The following RALGPS2 variants were observed in gnomAD, a reference collection of about 807,000 sequenced individuals.
RALGPS2 encodes Ral GEF with PH domain and SH3 binding motif 2.
Under a neutral mutation model 86.8 loss-of-function variants are expected in RALGPS2, and 43 were observed. That is an observed-to-expected ratio of 0.50 (90% confidence interval 0.39 to 0.64). The LOEUF is 0.64. Among genes scored for constraint, RALGPS2 ranks in the 30% least tolerant of loss-of-function variants. RALGPS2 has a pLI of 0.00. For synonymous variants in RALGPS2, 243 were observed against 231.3 expected (o/e 1.05, Z -0.46); for missense variants, 536 against 694.6 (o/e 0.77, Z 2.57).
intron 8 of RALGPS2, among the ~76,000 whole-genome samples, chr1:178,856,198 GAGAGATATATATATATATAT>G (rs1377818331): frequency 3.0e-4 from 14 of 47,268 alleles, no homozygotes; most frequent in African/African-American, 8.1e-4. Context: ...TCCAGAGAGA[GAGAGATATATATATATATAT>G]ATATATATAT....
At chr1:178,899,007 A>G (rs1003185635) in intron 17 of RALGPS2, among the ~76,000 whole-genome samples, 1 of 152,018 alleles carries the variant, frequency 6.6e-6, no homozygotes, top group Non-Finnish European at 1.5e-5. Flanking sequence ...AACTTTTCAC[A>G]TAGCCACATT....
chr1:178,729,136 T>C (rs1650196234), intron 1 of RALGPS2, among the ~76,000 whole-genome samples: 1 of 152,232 alleles, frequency 6.6e-6, no homozygotes, highest in Non-Finnish European at 1.5e-5. Context: ...TTTTCTGTTA[T>C]TTCACTTACA....
At position 178,776,794 on chromosome 1, in the gene RALGPS2, T is replaced by C. The variant is rs199606780; in HGVS notation, c.30T>C (p.Ser10=). 1.2e-6 allele frequency: 2 copies of C among 1,613,058 alleles called. No individual in the cohort carries two copies. The highest frequency in any genetic ancestry group is 1.3e-5 in the African/African-American group (1 of 74,888). The change falls in exon 2 of 20, where the codon AGT becomes AGC. Residue 10 remains serine (S), a synonymous_variant. Transcript: ENST00000367635. MDLMNGQAS[S]VNIAATASEK... ...ACCTAATGAACGGGCAGGCAAGCAG[T>C]GTCAATATTGCAGCTACTGCTTCTG... is the stretch of plus-strand genomic sequence containing the variant.
intron 1 of RALGPS2, among the ~76,000 whole-genome samples, chr1:178,756,751 G>A (rs4652322): frequency 1 from 152,311 of 152,312 alleles, 76,155 homozygotes; most frequent in Non-Finnish European, 1. Context: ...TTTGAGCAGT[G>A]TGGCCATTTT....
At chr1:178,737,744 G>A (rs746481114) in intron 1 of RALGPS2, among the ~76,000 whole-genome samples, 1 of 151,890 alleles carries the variant, frequency 6.6e-6, no homozygotes, top group Non-Finnish European at 1.5e-5. Flanking sequence ...TTACCCAAAT[G>A]GTTAAACAAT....
At chr1:178,778,807 C>T (rs1653235643) in intron 2 of RALGPS2, among the ~76,000 whole-genome samples, 1 of 151,550 alleles carries the variant, frequency 6.6e-6, no homozygotes, top group African/African-American at 2.4e-5. Flanking sequence ...AAAAACCAAA[C>T]ACCGCATATT....
intron 16 of RALGPS2, among the ~76,000 whole-genome samples, chr1:178,895,948 A>G (rs1238839262): frequency 6.6e-6 from 1 of 152,036 alleles, no homozygotes; most frequent in Admixed American, 6.6e-5. Context: ...GAAATATGGA[A>G]CTGGATGATA....
chr1:178,749,316 G>T (rs1651519534), intron 1 of RALGPS2, among the ~76,000 whole-genome samples: 1 of 152,002 alleles, frequency 6.6e-6, no homozygotes, highest in Non-Finnish European at 1.5e-5. Context: ...ATGAATCCTT[G>T]TCTTTACTAA....
intron 14 of RALGPS2, among the ~76,000 whole-genome samples, chr1:178,890,136 A>G (rs1405454467): frequency 6.6e-6 from 1 of 151,970 alleles, no homozygotes; most frequent in African/African-American, 2.4e-5. Context: ...AGTTAAGGTT[A>G]GAATTTAAAT....
intron 8 of RALGPS2, chr1:178,865,240 G>A (rs546016893): frequency 9.3e-6 from 15 of 1,614,066 alleles, no homozygotes; most frequent in East Asian, 6.7e-5. Flanking sequence ...TCAAGGAAGC[G>A]TATTTCACCT....
At chr1:178,825,584 C>T (rs1655710436) in intron 7 of RALGPS2, among the ~76,000 whole-genome samples, 2 of 151,830 alleles carry the variant, frequency 1.3e-5, no homozygotes, top group African/African-American at 4.8e-5. Context: ...TCTCCAACTA[C>T]AAAAATCTTC....
intron 7 of RALGPS2, among the ~76,000 whole-genome samples, chr1:178,826,641 A>G (rs1400896855): frequency 6.6e-6 from 1 of 152,164 alleles, no homozygotes; most frequent in Non-Finnish European, 1.5e-5. Flanking sequence ...TGTTGGTGAT[A>G]TCCTTGAAAT....
At chr1:178,846,614 G>T (rs2102279581) in intron 8 of RALGPS2, among the ~76,000 whole-genome samples, 1 of 152,200 alleles carries the variant, frequency 6.6e-6, no homozygotes, top group Middle Eastern at 3.4e-3. Context: ...TGAAATAAAA[G>T]AGCTGGGGGT....
intron 7 of RALGPS2, among the ~76,000 whole-genome samples, chr1:178,832,723 T>C (rs1656086277): frequency 6.6e-6 from 1 of 151,844 alleles, no homozygotes; most frequent in Admixed American, 6.6e-5. Flanking sequence ...TTTGGAATGA[T>C]TTGAAAAACT....
rs74784251 is a variant in RALGPS2 at position 178,856,740 on chromosome 1, G to C, written c.608-20758G>C. ...ACATAATTGTAGCTTATTTAATAAA[G>C]TAGCTTATTTAATGTCTGCTTATTT... is the stretch of plus-strand genomic sequence containing the variant. On this transcript the variant is annotated intron_variant, in intron 8 of 19. Coordinates refer to ENST00000367635, the MANE Select transcript of RALGPS2 (RefSeq NM_152663.5). Among the ~76,000 whole-genome samples, 290 of 151,996 alleles carry C rather than the reference G, an allele frequency of 1.9e-3. 2 individuals carry two copies. Among genetic ancestry groups the C allele is most frequent in the African/African-American group, 6.8e-3 (281 of 41,444 alleles).
At chr1:178,795,539 A>G (rs1469596791) in intron 4 of RALGPS2, among the ~76,000 whole-genome samples, 1 of 151,940 alleles carries the variant, frequency 6.6e-6, no homozygotes, top group Non-Finnish European at 1.5e-5. Context: ...CAGCCTCCTG[A>G]GTAGCTGGGA....
chr1:178,855,681 C>T (rs1186187476), intron 8 of RALGPS2, among the ~76,000 whole-genome samples: 1 of 151,774 alleles, frequency 6.6e-6, no homozygotes, highest in Non-Finnish European at 1.5e-5. Context: ...TCGTTATAAA[C>T]ATATTTTCCT....
intron 5 of RALGPS2, among the ~76,000 whole-genome samples, chr1:178,808,390 G>A (rs1195162435): frequency 1.3e-5 from 2 of 152,006 alleles, no homozygotes; most frequent in Admixed American, 1.3e-4. Flanking sequence ...GATTTCCTCA[G>A]ATCTACATTT....
chr1:178,807,122 A>G (rs998478592), intron 4 of RALGPS2, among the ~76,000 whole-genome samples: 4 of 152,134 alleles, frequency 2.6e-5, no homozygotes, highest in African/African-American at 9.7e-5. Flanking sequence ...TGCTTCAGCA[A>G]AGGACTTCAA....
Sources: gnomAD v4.1 joint callset for allele counts (sites outside exome capture counted in the v4.1 genomes callset) on GRCh38, gnomAD v4.1.1 for gene constraint, MANE v1.5 for transcripts, NCBI Gene and HGNC (gene_info 2026-07-23, HGNC 2026-07-21) for gene names.